Variants in MYT1L observed in about 807,000 individuals in gnomAD.
MYT1L encodes myelin transcription factor 1 like.
A neutral mutation model predicts 126.7 loss-of-function variants in MYT1L; 12 were observed. The ratio of observed to expected loss-of-function variants is 0.09; its 90% confidence interval spans 0.06 to 0.15. The LOEUF is 0.15. MYT1L is among the 10% of genes least tolerant of loss of function. MYT1L has a pLI of 1.00. For synonymous variants in MYT1L, 541 were observed against 604.2 expected (o/e 0.90, Z 1.53); for missense variants, 979 against 1,585.2 (o/e 0.62, Z 6.49).
At chr2:2,233,270 G>C (rs2094202758) in intron 2 of MYT1L, among the ~76,000 whole-genome samples, 1 of 152,202 alleles carries the variant, frequency 6.6e-6, no homozygotes, top group South Asian at 2.1e-4. Flanking sequence ...AGAGCAAGGG[G>C]TGCCAGGACG....
chr2:1,877,788 C>A (rs1400468265), intron 18 of MYT1L, among the ~76,000 whole-genome samples: 1 of 127,574 alleles, frequency 7.8e-6, no homozygotes, highest in Non-Finnish European at 1.6e-5. Flanking sequence ...CTGTTTGTAT[C>A]CTAAATTGTA....
chr2:1,866,198 A>G (rs1398146314), intron 18 of MYT1L, among the ~76,000 whole-genome samples: 1 of 152,150 alleles, frequency 6.6e-6, no homozygotes, highest in African/African-American at 2.4e-5. Context: ...GACCATGGCC[A>G]AGGGGATCTT....
intron 4 of MYT1L, among the ~76,000 whole-genome samples, chr2:2,026,990 G>T (rs1425425921): frequency 3.3e-5 from 5 of 152,216 alleles, no homozygotes; most frequent in African/African-American, 1.2e-4. Context: ...CCCAAGTGAC[G>T]CCCAGAGAAG....
chr2:1,832,624 G>A (rs191946444), intron 21 of MYT1L, among the ~76,000 whole-genome samples: 3 of 152,282 alleles, frequency 2.0e-5, no homozygotes, highest in East Asian at 3.9e-4. Flanking sequence ...ACGGCTCAAC[G>A]TGTCTGCCTG....
intron 4 of MYT1L, among the ~76,000 whole-genome samples, chr2:2,017,343 G>T (rs926421444): frequency 2.6e-5 from 4 of 152,232 alleles, no homozygotes; most frequent in Non-Finnish European, 4.4e-5. Context: ...AATGGCATAG[G>T]AAGGGCTTTG....
At chr2:1,804,772 C>T (rs1195529638) in intron 22 of MYT1L, among the ~76,000 whole-genome samples, 1 of 152,144 alleles carries the variant, frequency 6.6e-6, no homozygotes, top group Non-Finnish European at 1.5e-5. Context: ...CGTGAGTTCC[C>T]ACAGTTTGGA....
At chr2:1,989,520 A>G (rs755088198) in intron 5 of MYT1L, among the ~76,000 whole-genome samples, 1 of 152,204 alleles carries the variant, frequency 6.6e-6, no homozygotes, top group Non-Finnish European at 1.5e-5. Flanking sequence ...CTAAATACAA[A>G]TAACAAGGTT....
At chr2:2,131,999 C>T (rs193051196) in intron 3 of MYT1L, among the ~76,000 whole-genome samples, 3 of 147,144 alleles carry the variant, frequency 2.0e-5, no homozygotes, top group East Asian at 2.1e-4. Flanking sequence ...ACCTCCAACT[C>T]GCTGGTTCAA....
At chr2:1,819,916 T>C (rs765720729) in intron 21 of MYT1L, among the ~76,000 whole-genome samples, 28 of 152,146 alleles carry the variant, frequency 1.8e-4, no homozygotes, top group Non-Finnish European at 3.4e-4. Flanking sequence ...ATTTAGCTTC[T>C]AGGCAATGAC....
chr2:2,302,127 A>G (rs2095795575), intron 1 of MYT1L, among the ~76,000 whole-genome samples: 1 of 152,208 alleles, frequency 6.6e-6, no homozygotes, highest in African/African-American at 2.4e-5. Context: ...CCACTTCACC[A>G]CTGGTGCAGA....
At chr2:2,145,225 G>A (rs1295977824) in intron 3 of MYT1L, among the ~76,000 whole-genome samples, 1 of 152,184 alleles carries the variant, frequency 6.6e-6, no homozygotes, top group East Asian at 1.9e-4. Flanking sequence ...TACGACCTGA[G>A]CAAATGGCCC....
intron 8 of MYT1L, among the ~76,000 whole-genome samples, chr2:1,966,539 T>C (rs944786008): frequency 6.6e-6 from 1 of 152,128 alleles, no homozygotes; most frequent in African/African-American, 2.4e-5. Context: ...ACCCCAGCAA[T>C]TCTCCTCCTG....
chr2:2,075,920 T>G (rs544219495), intron 3 of MYT1L, among the ~76,000 whole-genome samples: 1 of 152,342 alleles, frequency 6.6e-6, no homozygotes, highest in Admixed American at 6.5e-5. Context: ...GCCGGTGACA[T>G]TGAAAACAAG....
At chr2:2,191,758 A>C (rs185507826) in intron 2 of MYT1L, among the ~76,000 whole-genome samples, 7 of 152,348 alleles carry the variant, frequency 4.6e-5, no homozygotes, top group African/African-American at 1.4e-4. Context: ...ATTTATTTCC[A>C]ACTCAAATTT....
chr2:2,037,993 T>G (rs1247593536), intron 4 of MYT1L, among the ~76,000 whole-genome samples: 1 of 152,192 alleles, frequency 6.6e-6, no homozygotes, highest in Non-Finnish European at 1.5e-5. Flanking sequence ...CATGTCTTGC[T>G]TTTCTTACTA....
chr2:1,997,643 G>A (rs940939593), intron 4 of MYT1L, among the ~76,000 whole-genome samples: 2 of 152,214 alleles, frequency 1.3e-5, no homozygotes, highest in Non-Finnish European at 2.9e-5. Context: ...TGCCTGATAT[G>A]GTTCCATGAG....
At chr2:2,186,257 G>C (rs1274672401) in intron 2 of MYT1L, among the ~76,000 whole-genome samples, 4 of 147,720 alleles carry the variant, frequency 2.7e-5, no homozygotes, top group Admixed American at 2.7e-4. Context: ...CAGGCCTTCC[G>C]GGCCTTCCCG....
chr2:2,292,970 T>G (rs1045971212), intron 1 of MYT1L, among the ~76,000 whole-genome samples: 2 of 152,098 alleles, frequency 1.3e-5, no homozygotes, highest in African/African-American at 4.8e-5. Context: ...CAAAAGAACA[T>G]TTTCCTCTGT....
intron 3 of MYT1L, among the ~76,000 whole-genome samples, chr2:2,102,644 A>G (rs1048306581): frequency 4.2e-5 from 6 of 142,628 alleles, no homozygotes; most frequent in South Asian, 2.3e-4. Context: ...GTGTGTGTGT[A>G]TAAAGTTAAC....
Sources: gnomAD v4.1 joint callset for allele counts (sites outside exome capture counted in the v4.1 genomes callset) on GRCh38, gnomAD v4.1.1 for gene constraint, MANE v1.5 for transcripts, NCBI Gene and HGNC (gene_info 2026-07-23, HGNC 2026-07-21) for gene names.